Variants in IL6ST observed in about 807,000 individuals in gnomAD.
IL6ST encodes interleukin-6 receptor subunit beta.
A neutral mutation model predicts 91.3 loss-of-function variants in IL6ST; 24 were observed. The ratio of observed to expected loss-of-function variants is 0.26; its 90% CI spans 0.19 to 0.37. The LOEUF (loss-of-function observed/expected upper bound fraction) is 0.37. IL6ST is among the 10% of genes least tolerant of loss of function. The probability of loss-of-function intolerance (pLI) is 1.00; values close to 1 mark genes in which losing one functional copy is unlikely to be tolerated. For missense variants in IL6ST, 914 were observed against 1,078.5 expected (o/e 0.85, Z 2.14); for synonymous variants, 351 against 373.6 (o/e 0.94, Z 0.70).
chr5:55,952,573 G>A (rs1401180026), intron 11 of IL6ST, among the ~76,000 whole-genome samples: 1 of 152,082 alleles, frequency 6.6e-6, no homozygotes, highest in Non-Finnish European at 1.5e-5. Context: ...ACATTGTTAA[G>A]AACAATGATG....
Position 55,942,706 on chromosome 5 carries a change from A to C in IL6ST, c.1983T>G (p.Ser661Arg). 1 of 1,609,306 alleles carries C rather than the reference A, an allele frequency of 6.2e-7. No homozygotes were observed. Among genetic ancestry groups the C allele is most frequent in the Non-Finnish European group, 8.5e-7 (1 of 1,176,926 alleles). The change falls in exon 16 of 17, where the codon AGT becomes AGG. Residue 661 changes from serine to arginine, a missense_variant. Physicochemically the swap from Ser to Arg is moderately radical, Grantham distance 110. Coordinates refer to ENST00000381298, the MANE Select transcript of IL6ST (RefSeq NM_002184.4). ...TGTGAGGTGACCACTGGGCAATATG[A>C]CTCTTTGAAGGATCTGGAACATTAG... ...IWPNVPDPSK[S>R]HIAQWSPHTP...
rs1420121243 is a variant in IL6ST, at chr5:55,937,396, G to A, written c.*3686C>T. 4.7e-6 allele frequency: 1 copy of A among 212,292 alleles called. No homozygotes were observed. Among genetic ancestry groups the A allele is most frequent in the Non-Finnish European group, 9.5e-6 (1 of 104,844 alleles). 13.2% of individuals were successfully genotyped at this position (212,292 alleles called of 1,614,324 possible). A position where few individuals can be genotyped will look rare whatever the true frequency, so the allele number is the denominator to read the frequency against. On this transcript the variant is annotated 3_prime_UTR_variant, in exon 17 of 17. Transcript: ENST00000381298. ...GAATATCATGCTAATGCACATACTAGTAGCATGTATGATGGAAAAAAATAG... is the reference window on the plus strand; with the variant it reads ...GAATATCATGCTAATGCACATACTAATAGCATGTATGATGGAAAAAAATAG...
At chr5:55,942,828 C>A in intron 15 of IL6ST, 77 bp from the exon 16 acceptor site, 2 of 761,982 alleles carry the variant, frequency 2.6e-6, no homozygotes, top group East Asian at 5.2e-5. Context: ...TAAACATGTT[C>A]ATCAAAGACT....
Position 55,960,510 on chromosome 5 carries a change from G to A in IL6ST, c.865C>T (p.Leu289Phe). 6.2e-7 allele frequency: 1 copy of A among 1,614,034 alleles called. No homozygotes were observed. ...STRSSFTVQD[L>F]KPFTEYVFRI... ...AACACATATTCTGTAAAAGGTTTAA[G>A]GTCTTGGACAGTGAATGAAGATCGG... The change falls in exon 8 of 17, where the codon CTT becomes TTT. Residue 289 changes from leucine to phenylalanine, a missense_variant. Leu to Phe is a conservative substitution (Grantham distance 22). Transcript: ENST00000381298.
intron 14 of IL6ST, among the ~76,000 whole-genome samples, chr5:55,950,769 G>A (rs746397459): frequency 1.1e-4 from 16 of 151,716 alleles, no homozygotes; most frequent in Non-Finnish European, 2.1e-4. Flanking sequence ...GATCACTTGA[G>A]CCCAGGAGTT....
intron 3 of IL6ST, 167 bp downstream of exon 3, chr5:55,976,048 T>C (rs1030060572): frequency 2.8e-6 from 1 of 362,020 alleles, no homozygotes; most frequent in African/African-American, 2.1e-5. Context: ...CAAAAACAGA[T>C]TATCAAGAAT....
chr5:55,978,666 AGTGAGCC>A (rs1753463514), intron 2 of IL6ST, among the ~76,000 whole-genome samples: 1 of 152,256 alleles, frequency 6.6e-6, no homozygotes, highest in Non-Finnish European at 1.5e-5. Flanking sequence ...CGGAGGCTGC[AGTGAGCC>A]GAGGTCACAC....
At chr5:55,977,789 G>A (rs187226804) in intron 2 of IL6ST, among the ~76,000 whole-genome samples, 1 of 152,006 alleles carries the variant, frequency 6.6e-6, no homozygotes, top group Non-Finnish European at 1.5e-5. Context: ...TCATGCCACT[G>A]GACTCCAGCA....
intron 16 of IL6ST, 93 bp downstream of exon 16, chr5:55,942,577 G>T: frequency 1.6e-6 from 1 of 609,888 alleles, no homozygotes; most frequent in South Asian, 2.3e-5. Context: ...TGGTACATTT[G>T]TAGATACTCA....
Position 55,952,028 on chromosome 5 carries a change from C to T in IL6ST, c.1600G>A (p.Glu534Lys), listed in dbSNP as rs765317515. 5.0e-6 allele frequency: 8 copies of T among 1,613,154 alleles called. No individual in the cohort carries two copies. The highest frequency in any genetic ancestry group is 1.7e-4 in the Middle Eastern group (1 of 6,056). ...AGTTGGTCCCACTCTAAGACAGCTT[C>T]GTTTTTCCCTACTTTTTTTGTCCGA... ...TVRTKKVGKN[E>K]AVLEWDQLPV... Residue 534 changes from glutamate (E) to lysine (K), a missense_variant, in exon 13 of 17, where the codon GAA becomes AAA. By Grantham distance (56) the Glu-to-Lys change is moderately conservative. Coordinates refer to ENST00000381298, the MANE Select transcript of IL6ST (RefSeq NM_002184.4).
At position 55,941,333 on chromosome 5, in the gene IL6ST, G is replaced by C. The variant is rs771689617; in HGVS notation, c.2506C>G (p.Gln836Glu). The change falls in exon 17 of 17, where the codon CAA becomes GAA. Residue 836 changes from glutamine to glutamate, a missense_variant. By Grantham distance (29) the Gln-to-Glu change is conservative (BLOSUM62 2). Transcript: ENST00000381298. ...TCTTCCTCATTGACTGATGAAACTT[G>C]CTTTGACCTTTCAAAATGTGAAATA... ...PDISHFERSK[Q>E]VSSVNEEDFV... 6.2e-7 allele frequency: 1 copy of C among 1,614,070 alleles called. No individual in the cohort carries two copies.
chr5:55,979,865 A>G (rs1753539740), intron 2 of IL6ST, among the ~76,000 whole-genome samples: 1 of 152,250 alleles, frequency 6.6e-6, no homozygotes, highest in South Asian at 2.1e-4. Flanking sequence ...TAAAAGGCTG[A>G]AACAACCTGA....
At chr5:55,974,169 A>C (rs1033852357) in intron 3 of IL6ST, among the ~76,000 whole-genome samples, 6 of 152,218 alleles carry the variant, frequency 3.9e-5, no homozygotes, top group African/African-American at 1.4e-4. Flanking sequence ...GTGCCACTGT[A>C]GTCAGATTGG....
At chr5:55,970,309 A>C (rs1007439015) in intron 3 of IL6ST, among the ~76,000 whole-genome samples, 9 of 152,144 alleles carry the variant, frequency 5.9e-5, no homozygotes, top group African/African-American at 2.2e-4. Flanking sequence ...ACACATCAAA[A>C]CTCAGACAAC....
chr5:55,979,547 T>C (rs1051003622), intron 2 of IL6ST, among the ~76,000 whole-genome samples: 1 of 152,186 alleles, frequency 6.6e-6, no homozygotes, highest in Non-Finnish European at 1.5e-5. Flanking sequence ...ACCCAAAAAG[T>C]ATCAACAGGG....
At position 55,967,215 on chromosome 5, in the gene IL6ST, CAGG is replaced by C. The variant is rs1183031086; in HGVS notation, c.491+1058_491+1060del. 4.9e-5 allele frequency among the ~76,000 whole-genome samples: 7 copies of C among 141,564 alleles called. No individual in the cohort carries two copies. The East Asian group carries it at 1.3e-3, about 27-fold the overall frequency. The allele number at this position is 141,564 out of a possible 152,430, so 92.9% of individuals were successfully genotyped here. A position where few individuals can be genotyped will look rare whatever the true frequency, so the allele number is the denominator to read the frequency against. ...ATCCCAGCTACTCAGGAGGCTGAGG[CAGG>C]AGAATTGCTTGAACCTGGGAAGCGG... On this transcript the variant is annotated intron_variant, in intron 5 of 16. Coordinates refer to ENST00000381298, the MANE Select transcript of IL6ST (RefSeq NM_002184.4).
chr5:55,947,617 AGAG>A (rs746757827), intron 14 of IL6ST, 28 bp from the exon 15 acceptor site: 2 of 1,141,082 alleles, frequency 1.8e-6, no homozygotes, highest in Non-Finnish European at 2.5e-6. Flanking sequence ...AAAAAAAAAA[AGAG>A]GTGTGATGGG....
intron 1 of IL6ST, among the ~76,000 whole-genome samples, chr5:55,984,719 A>G (rs1178955730): frequency 6.6e-6 from 1 of 152,182 alleles, no homozygotes; most frequent in Non-Finnish European, 1.5e-5. Context: ...GAGCTCTGGC[A>G]TTTTGGATTT....
chr5:55,941,854 T>G (rs1258272853), intron 16 of IL6ST, 35 bp from the exon 17 acceptor site: 10 of 1,558,662 alleles, frequency 6.4e-6, no homozygotes, highest in Non-Finnish European at 7.8e-6. Context: ...TGGCAAGTAT[T>G]AGTTAAAGCC....
Sources: gnomAD v4.1 joint callset for allele counts (sites outside exome capture counted in the v4.1 genomes callset) on GRCh38, gnomAD v4.1.1 for gene constraint, MANE v1.5 for transcripts, NCBI Gene and HGNC (gene_info 2026-07-23, HGNC 2026-07-21) for gene names.